Variants in PEBP4 observed in about 807,000 individuals in gnomAD.
PEBP4 encodes phosphatidylethanolamine-binding protein 4.
In PEBP4, 22 loss-of-function variants were observed where a neutral mutation model predicts 23.9. The ratio of observed to expected loss-of-function variants is 0.92; its 90% CI spans 0.66 to 1.31. The LOEUF (loss-of-function observed/expected upper bound fraction) is 1.31, where lower values mean the gene tolerates loss of function less well. Ranked by LOEUF, PEBP4 falls within the 40% of genes most tolerant of loss-of-function variation. The pLI, the probability that PEBP4 is intolerant of heterozygous loss-of-function variation, is 0.00. For missense variants in PEBP4, 324 were observed against 281.7 expected (o/e 1.15, Z -1.07); for synonymous variants, 112 against 99.3 (o/e 1.13, Z -0.76).
intron 3 of PEBP4, among the ~76,000 whole-genome samples, chr8:22,854,926 ATGTGTG>A (rs113480248): frequency 0.013 from 1,759 of 133,286 alleles, 19 homozygotes; most frequent in Middle Eastern, 0.053. Context: ...TGAGATTAGA[ATGTGTG>A]TGTGTGTGTG....
rs35121552 is a variant in PEBP4 at position 22,713,394 on chromosome 8, G to GT, written c.659dup (p.Asn220LysfsTer43). On this transcript the variant is annotated frameshift_variant, in exon 7 of 7. Transcript: ENST00000256404. LOFTEE classifies it low-confidence loss of function (END_TRUNC). The stretch of plus-strand genomic sequence containing the variant: ...TCTAGCAGGCAGCTATCTCCGCCTG[G>GT]TTTTTGTGCTTGGGCTCGCTGGCCC... 6.2e-7 allele frequency: 1 copy of GT among 1,604,088 alleles called. No individual in the cohort carries two copies. The highest frequency in any genetic ancestry group is 8.5e-7 in the Non-Finnish European group (1 of 1,175,554).
At chr8:22,873,824 G>A (rs926439221) in intron 3 of PEBP4, among the ~76,000 whole-genome samples, 4 of 152,072 alleles carry the variant, frequency 2.6e-5, no homozygotes, top group Non-Finnish European at 4.4e-5. Flanking sequence ...TCGGGAGGTC[G>A]GGGGGAGTCC....
intron 4 of PEBP4, among the ~76,000 whole-genome samples, chr8:22,810,236 G>A (rs1806589880): frequency 6.6e-6 from 1 of 152,112 alleles, no homozygotes; most frequent in Admixed American, 6.5e-5. Context: ...GACCTGATGT[G>A]GTTTCTACAG....
At chr8:22,895,506 C>T (rs563722875) in intron 3 of PEBP4, 2 of 152,298 alleles carry the variant, frequency 1.3e-5, no homozygotes, top group African/African-American at 4.8e-5. Context: ...TTGATCATGA[C>T]ACATCTAGGT....
intron 3 of PEBP4, among the ~76,000 whole-genome samples, chr8:22,845,692 A>G (rs1316362844): frequency 2.0e-5 from 3 of 152,224 alleles, no homozygotes; most frequent in Admixed American, 6.5e-5. Flanking sequence ...TCAGGTTGAG[A>G]AATCCATTCT....
chr8:22,736,973 A>G lies in PEBP4; in HGVS notation c.358-9753T>C, dbSNP rs554081108. Among the ~76,000 whole-genome samples, 5 of 152,318 alleles carry G rather than the reference A, an allele frequency of 3.3e-5. No individual in the cohort carries two copies. In the South Asian group the frequency reaches 1.0e-3, roughly 32 times the overall value. On this transcript the variant is annotated intron_variant, in intron 4 of 6. Coordinates refer to ENST00000256404, the MANE Select transcript of PEBP4 (RefSeq NM_144962.3). The stretch of plus-strand genomic sequence containing the variant: ...CATTGTGGATGCCAGTTTTGCACCC[A>G]ACTACAGCATGAGACCGCAAAGCTG...
intron 4 of PEBP4, among the ~76,000 whole-genome samples, chr8:22,756,171 C>G (rs1216265531): frequency 6.6e-6 from 1 of 152,200 alleles, no homozygotes; most frequent in Non-Finnish European, 1.5e-5. Flanking sequence ...GCGAGGCTAG[C>G]GTGGGATGGT....
At chr8:22,938,492 A>G (rs1041043943) in intron 1 of PEBP4, among the ~76,000 whole-genome samples, 1 of 150,270 alleles carries the variant, frequency 6.7e-6, no homozygotes, top group Non-Finnish European at 1.5e-5. Context: ...GTATAATAGT[A>G]TCTGGCCATT....
intron 4 of PEBP4, among the ~76,000 whole-genome samples, chr8:22,785,691 C>T (rs1806013593): frequency 6.6e-6 from 1 of 152,184 alleles, no homozygotes; most frequent in South Asian, 2.1e-4. Context: ...CTCCCTGAGC[C>T]TGAGTCCTCA....
chr8:22,924,988 A>G, intron 2 of PEBP4: 1 of 985,376 alleles, frequency 1.0e-6, no homozygotes, highest in African/African-American at 1.7e-5. Flanking sequence ...AAATGCCCAC[A>G]AGAGGAGTGC....
At chr8:22,848,367 G>A (rs533955618) in intron 3 of PEBP4, among the ~76,000 whole-genome samples, 1 of 152,230 alleles carries the variant, frequency 6.6e-6, no homozygotes, top group South Asian at 2.1e-4. Flanking sequence ...AGTGGAGTAT[G>A]GGGCGAGCAG....
At chr8:22,931,671 C>T (rs2313571), upstream of PEBP4, among the ~76,000 whole-genome samples, 69,723 of 151,964 alleles carry the variant, frequency 0.46, 18,255 homozygotes, top group African/African-American at 0.72. Flanking sequence ...GCTGCCTCCG[C>T]CTCCTAGGTT....
chr8:22,851,218 C>CG (rs1807542363), intron 3 of PEBP4, among the ~76,000 whole-genome samples: 1 of 152,144 alleles, frequency 6.6e-6, no homozygotes, highest in South Asian at 2.1e-4. Context: ...CAGGACTCCA[C>CG]GGAGACTCCT....
chr8:22,800,826 T>A (rs544786950), intron 4 of PEBP4, among the ~76,000 whole-genome samples: 110 of 152,292 alleles, frequency 7.2e-4, no homozygotes, highest in African/African-American at 2.6e-3. Context: ...CCAGATACTG[T>A]GGGAGAATGC....
At chr8:22,927,182 C>T (rs556727047) in intron 2 of PEBP4, among the ~76,000 whole-genome samples, 3 of 152,284 alleles carry the variant, frequency 2.0e-5, no homozygotes, top group African/African-American at 4.8e-5. Context: ...TCTAATCATA[C>T]ACCTTCTTTC....
chr8:22,780,853 G>C (rs534057463), intron 4 of PEBP4, among the ~76,000 whole-genome samples: 1 of 152,196 alleles, frequency 6.6e-6, no homozygotes, highest in Non-Finnish European at 1.5e-5. Context: ...GAAAGGAAAC[G>C]AGTGTGCTCC....
intron 4 of PEBP4, among the ~76,000 whole-genome samples, chr8:22,752,895 C>T (rs181470588): frequency 6.6e-6 from 1 of 152,302 alleles, no homozygotes; most frequent in Non-Finnish European, 1.5e-5. Flanking sequence ...CTGGGGATGC[C>T]CGTTAATTTT....
Position 22,920,293 on chromosome 8 carries a change from T to C in PEBP4, c.149A>G (p.Tyr50Cys). Residue 50 changes from tyrosine to cysteine, a missense_variant, in exon 3 of 7, where the codon TAC becomes TGC. By Grantham distance (194) the Tyr-to-Cys change is radical. Coordinates refer to ENST00000256404, the MANE Select transcript of PEBP4 (RefSeq NM_144962.3). Reference protein sequence around the residue: ...TLFCQGLEVFYPELGNIGCKV... With the variant: ...TLFCQGLEVFCPELGNIGCKV... ...GCAGCCAATGTTCCCCAACTCTGGG[T>C]AGAAAACTTCAAGGCCCCTATGAAG... 6.2e-7 allele frequency: 1 copy of C among 1,613,314 alleles called. No individual in the cohort carries two copies. The highest frequency in any genetic ancestry group is 8.5e-7 in the Non-Finnish European group (1 of 1,179,374).
intron 4 of PEBP4, among the ~76,000 whole-genome samples, chr8:22,752,228 C>T (rs964522242): frequency 6.6e-6 from 1 of 152,176 alleles, no homozygotes; most frequent in Non-Finnish European, 1.5e-5. Context: ...CTGTCTGTTA[C>T]ATTAGGCTCA....
Sources: gnomAD v4.1 joint callset for allele counts (sites outside exome capture counted in the v4.1 genomes callset) on GRCh38, gnomAD v4.1.1 for gene constraint, MANE v1.5 for transcripts, NCBI Gene and HGNC (gene_info 2026-07-23, HGNC 2026-07-21) for gene names.